Variants in PLXDC2 observed in about 807,000 individuals in gnomAD.
PLXDC2 encodes plexin domain containing 2.
A neutral mutation model predicts 68.9 loss-of-function variants in PLXDC2; 40 were observed. The observed-to-expected ratio is 0.58, with a 90% CI of 0.45 to 0.76. PLXDC2 has a LOEUF of 0.76. Among genes scored for constraint, PLXDC2 ranks in the 30% least tolerant of loss-of-function variants. PLXDC2 has a pLI of 0.00. For missense variants in PLXDC2, 644 were observed against 661.9 expected (o/e 0.97, Z 0.30); for synonymous variants, 243 against 234.2 (o/e 1.04, Z -0.34).
At chr10:19,955,161 G>A (rs1391850414) in intron 1 of PLXDC2, among the ~76,000 whole-genome samples, 3 of 148,176 alleles carry the variant, frequency 2.0e-5, no homozygotes, top group African/African-American at 7.5e-5. Context: ...GAGTAGCTGG[G>A]ACTATCGGCA....
At chr10:20,073,951 C>T (rs1404208557) in intron 4 of PLXDC2, among the ~76,000 whole-genome samples, 1 of 152,004 alleles carries the variant, frequency 6.6e-6, no homozygotes, top group African/African-American at 2.4e-5. Flanking sequence ...TCATGGGTAC[C>T]ATTACAGTGA....
At chr10:20,191,865 G>A (rs528411202) in intron 9 of PLXDC2, among the ~76,000 whole-genome samples, 8 of 151,964 alleles carry the variant, frequency 5.3e-5, no homozygotes, top group Non-Finnish European at 8.8e-5. Context: ...AGAAAGGACG[G>A]GAGGGCTGTT....
chr10:20,180,772 T>C (rs965235721), intron 9 of PLXDC2, among the ~76,000 whole-genome samples: 1 of 152,104 alleles, frequency 6.6e-6, no homozygotes, highest in African/African-American at 2.4e-5. Context: ...TCTGAGAGAA[T>C]TTGAGTTAGA....
Position 19,819,480 on chromosome 10 carries a change from A to AT in PLXDC2, c.112+2290dup, listed in dbSNP as rs1836424148. Among the ~76,000 whole-genome samples, 2 of 126,220 alleles carry AT rather than the reference A, an allele frequency of 1.6e-5. 1 individual carries two copies. The highest frequency in any genetic ancestry group is 4.7e-4 in the South Asian group (2 of 4,244). The allele number at this position is 126,220 out of a possible 152,430, so 82.8% of individuals were successfully genotyped here. ...AAAATAGTCTATATAAAAATTCAGT[A>AT]TGGGGGGAAAAGTCCAGCAGTCTTG... On this transcript the variant is annotated intron_variant, in intron 1 of 13. Coordinates refer to ENST00000377252, the MANE Select transcript of PLXDC2 (RefSeq NM_032812.9).
chr10:19,924,169 C>G (rs1833503648), intron 1 of PLXDC2, among the ~76,000 whole-genome samples: 1 of 152,210 alleles, frequency 6.6e-6, no homozygotes, highest in African/African-American at 2.4e-5. Flanking sequence ...CAGTCAGACT[C>G]CTGACTGGGA....
chr10:19,919,399 A>G (rs1193687847), intron 1 of PLXDC2, among the ~76,000 whole-genome samples: 2 of 152,168 alleles, frequency 1.3e-5, no homozygotes, highest in African/African-American at 2.4e-5. Context: ...CTGCCAGAGA[A>G]TATTCTAAAC....
At chr10:20,083,090 T>C (rs1295872013) in intron 4 of PLXDC2, among the ~76,000 whole-genome samples, 3 of 152,132 alleles carry the variant, frequency 2.0e-5, no homozygotes, top group Non-Finnish European at 4.4e-5. Context: ...AAACTATTAA[T>C]AGTGGTAACC....
chr10:19,833,728 C>CT (rs1363782839), intron 1 of PLXDC2, among the ~76,000 whole-genome samples: 5 of 152,132 alleles, frequency 3.3e-5, no homozygotes, highest in African/African-American at 1.2e-4. Flanking sequence ...GATAAGTTAA[C>CT]TTTTTTTGGA....
intron 3 of PLXDC2, among the ~76,000 whole-genome samples, chr10:20,065,094 A>G (rs1031534047): frequency 1.3e-5 from 2 of 152,122 alleles, no homozygotes; most frequent in African/African-American, 4.8e-5. Flanking sequence ...CTAAGTCCTT[A>G]TATCAAGATT....
At chr10:20,183,202 C>T (rs892696041) in intron 9 of PLXDC2, among the ~76,000 whole-genome samples, 1 of 151,760 alleles carries the variant, frequency 6.6e-6, no homozygotes, top group African/African-American at 2.4e-5. Flanking sequence ...ATATGTAAGC[C>T]AGGAATTCCA....
chr10:20,062,358 A>C (rs1836121701), intron 3 of PLXDC2, among the ~76,000 whole-genome samples: 1 of 152,218 alleles, frequency 6.6e-6, no homozygotes, highest in Non-Finnish European at 1.5e-5. Flanking sequence ...TGGGAGGCAG[A>C]TGTTGCAGTG....
At chr10:20,176,034 G>GT (rs1473907043) in intron 7 of PLXDC2, among the ~76,000 whole-genome samples, 5 of 152,032 alleles carry the variant, frequency 3.3e-5, no homozygotes, top group African/African-American at 1.2e-4. Context: ...TTTTGTTGTG[G>GT]TTTGATGTTA....
intron 1 of PLXDC2, among the ~76,000 whole-genome samples, chr10:19,882,936 T>A (rs1023891084): frequency 1.0e-3 from 9 of 8,974 alleles, no homozygotes; most frequent in South Asian, 8.3e-3. Flanking sequence ...GCAATTAAAA[T>A]TTTTTTTTTT....
chr10:20,083,350 G>T (rs1454193404), intron 4 of PLXDC2, among the ~76,000 whole-genome samples: 4 of 151,888 alleles, frequency 2.6e-5, no homozygotes, highest in African/African-American at 9.7e-5. Context: ...GGTGGCATGC[G>T]CCTGTAGTCC....
intron 12 of PLXDC2, among the ~76,000 whole-genome samples, chr10:20,233,126 GCGAGTTGTATAGTTGCA>G (rs1051118829): frequency 6.6e-6 from 1 of 152,024 alleles, no homozygotes; most frequent in African/African-American, 2.4e-5. Context: ...TGTAGTTGAT[GCGAGTTGTATAGTTGCA>G]CGAGTTGTAT....
chr10:19,905,153 A>G (rs1335487076), intron 1 of PLXDC2, among the ~76,000 whole-genome samples: 2 of 152,180 alleles, frequency 1.3e-5, no homozygotes. Context: ...GGTTCACTGT[A>G]ATTTTTTCCT....
At chr10:20,208,375 A>C (rs984945386) in intron 9 of PLXDC2, among the ~76,000 whole-genome samples, 11 of 152,124 alleles carry the variant, frequency 7.2e-5, no homozygotes, top group Admixed American at 2.6e-4. Flanking sequence ...AAGCCATCAG[A>C]TCTTGTGAGA....
At chr10:20,233,578 G>T (rs1835392901) in intron 12 of PLXDC2, among the ~76,000 whole-genome samples, 1 of 152,134 alleles carries the variant, frequency 6.6e-6, no homozygotes, top group Admixed American at 6.5e-5. Flanking sequence ...GAAGCTCAGG[G>T]ATTTAAGTAA....
intron 4 of PLXDC2, among the ~76,000 whole-genome samples, chr10:20,121,387 G>T (rs1833694975): frequency 6.6e-6 from 1 of 152,170 alleles, no homozygotes; most frequent in African/African-American, 2.4e-5. Context: ...TTGTTGTTTT[G>T]TAAGGGATTG....
Sources: gnomAD v4.1 joint callset for allele counts (sites outside exome capture counted in the v4.1 genomes callset) on GRCh38, gnomAD v4.1.1 for gene constraint, MANE v1.5 for transcripts, NCBI Gene and HGNC (gene_info 2026-07-23, HGNC 2026-07-21) for gene names.